PLEKHG2: variants seen among roughly 807,000 people sequenced by gnomAD.
PLEKHG2 encodes pleckstrin homology domain-containing family G member 2.
PLEKHG2 carries 71 observed loss-of-function variants against 104.4 expected under a neutral mutation model. That is an observed-to-expected ratio of 0.68 (90% CI 0.56 to 0.83). The LOEUF (loss-of-function observed/expected upper bound fraction) is 0.83. Among genes scored for constraint, PLEKHG2 ranks in the 40% least tolerant of loss-of-function variants. The probability of loss-of-function intolerance (pLI) is 0.00; values close to 1 mark genes in which losing one functional copy is unlikely to be tolerated. For synonymous variants in PLEKHG2, 728 were observed against 737.0 expected (o/e 0.99, Z 0.20); for missense variants, 1,730 against 1,809.4 (o/e 0.96, Z 0.80).
At chr19:39,422,381 ATTT>A in intron 17 of PLEKHG2, 93 bp downstream of exon 17, 1 of 1,220,650 alleles carries the variant, frequency 8.2e-7, no homozygotes, top group Non-Finnish European at 1.1e-6. Flanking sequence ...TGATACCTTT[ATTT>A]TTTTTTTATT....
At chr19:39,421,704 T>A (rs62119738) in intron 16 of PLEKHG2, 30,376 of 205,132 alleles carry the variant, frequency 0.15, 2,758 homozygotes, top group Middle Eastern at 0.25. Context: ...TAAATAAAAA[T>A]TTTAAGAGAA....
Position 39,413,229 on chromosome 19 carries a change from C to G in PLEKHG2, c.-206C>G, listed in dbSNP as rs1467568616. ...GAGTCGAGGCTCCTAGCATCCCCTA[C>G]GTAGAACACTGAGAAATTCCGACTG... is the stretch of plus-strand genomic sequence containing the variant. On this transcript the variant is annotated 5_prime_UTR_variant, in exon 1 of 19. Transcript: ENST00000425673. The surrounding 1 kb of genome is among the most constrained non-coding windows in gnomAD (Gnocchi z 4.5). 1 of 152,272 alleles carries G rather than the reference C, an allele frequency of 6.6e-6. No individual in the cohort carries two copies. Among genetic ancestry groups the G allele is most frequent in the Non-Finnish European group, 1.5e-5 (1 of 68,102 alleles). 9.4% of individuals were successfully genotyped at this position (152,272 alleles called of 1,614,324 possible).
Position 39,414,016 on chromosome 19 carries a change from C to A in PLEKHG2, c.-22-49C>A, listed in dbSNP as rs1166314887. ...AGCCCCCATCTGTGAGTCTGGGCGG[C>A]GGAGAGGCCCATGGGGTCCTGATAT... On this transcript the variant is annotated intron_variant, in intron 1 of 18. Transcript: ENST00000425673. 4 of 1,335,538 alleles carry A rather than the reference C, an allele frequency of 3.0e-6. No homozygotes were observed. In the African/African-American group the frequency reaches 5.8e-5, roughly 20 times the overall value. 82.7% of individuals were successfully genotyped at this position (1,335,538 alleles called of 1,614,324 possible). A position where few individuals can be genotyped will look rare whatever the true frequency, so the allele number is the denominator to read the frequency against.
intron 16 of PLEKHG2, 194 bp from the exon 17 acceptor site, chr19:39,421,921 G>GATT: frequency 2.2e-6 from 1 of 452,092 alleles, no homozygotes; most frequent in South Asian, 4.7e-5. Flanking sequence ...GGAGGCTGAG[G>GATT]CAGCAGAATC....
At position 39,423,345 on chromosome 19, in the gene PLEKHG2, G is replaced by T; in HGVS notation, c.2291G>T (p.Cys764Phe). The T allele has an allele frequency of 1.2e-6, 2 of 1,613,960 alleles. No homozygotes were observed. The highest frequency in any genetic ancestry group is 1.7e-6 in the Non-Finnish European group (2 of 1,179,844). Reference protein sequence around the residue: ...GFPDELAFRSCSEIRSAWQAL... With the variant: ...GFPDELAFRSFSEIRSAWQAL... Reference sequence around the variant, plus strand: ...CCAGATGAGCTGGCATTCCGCTCTTGCTCAGAAATCCGGAGCGCCTGGCAG... The same window carrying T: ...CCAGATGAGCTGGCATTCCGCTCTTTCTCAGAAATCCGGAGCGCCTGGCAG... The change falls in exon 18 of 19, where the codon TGC becomes TTC. Residue 764 changes from cysteine (C) to phenylalanine (F), a missense_variant. Cys to Phe is a radical substitution (Grantham distance 205). Coordinates refer to ENST00000425673, the MANE Select transcript of PLEKHG2 (RefSeq NM_022835.3).
chr19:39,414,901 T>G, intron 2 of PLEKHG2, 91 bp from the exon 3 acceptor site: 1 of 1,398,962 alleles, frequency 7.1e-7, no homozygotes, highest in Non-Finnish European at 9.6e-7. Context: ...GTTGGACAGG[T>G]GTGGGTGAGG....
At position 39,424,065 on chromosome 19, in the gene PLEKHG2, C is replaced by T. The variant is rs763870846; in HGVS notation, c.2932C>T (p.Pro978Ser). ...TACAACTTTCTCTGATCAAGGCCAC[C>T]CAGAAATCCAAGTTCCAGCCACCAC... The part of the protein sequence containing the change: ...ALTTFSDQGH[P>S]EIQVPATTPL... The change falls in exon 19 of 19, where the codon CCA becomes TCA. Residue 978 changes from proline (P) to serine (S), a missense_variant. Pro to Ser is a moderately conservative substitution (Grantham distance 74). Coordinates refer to ENST00000425673, the MANE Select transcript of PLEKHG2 (RefSeq NM_022835.3). 2 of 1,613,998 alleles carry T rather than the reference C, an allele frequency of 1.2e-6. No homozygotes were observed. Among genetic ancestry groups the T allele is most frequent in the Non-Finnish European group, 1.7e-6 (2 of 1,179,986 alleles).
In PLEKHG2 at chr19:39,416,624, C is replaced by T; in HGVS notation, c.593+27C>T. On this transcript the variant is annotated intron_variant, in intron 6 of 18. Coordinates refer to ENST00000425673, the MANE Select transcript of PLEKHG2 (RefSeq NM_022835.3). This position sits in a 1 kb window ranked among gnomAD's most constrained non-coding sequence, Gnocchi z 4.5. ...TGAGGGGCAGGAGCCCCTGCTGGGC[C>T]TCAGGCTGTGCCCACAAGCTGATGT... 1.2e-6 allele frequency: 2 copies of T among 1,613,014 alleles called. No homozygotes were observed. The highest frequency in any genetic ancestry group is 2.7e-5 in the African/African-American group (2 of 74,992).
intron 9 of PLEKHG2, among the ~76,000 whole-genome samples, chr19:39,418,421 A>G (rs1457286433): frequency 6.6e-6 from 1 of 152,124 alleles, no homozygotes; most frequent in African/African-American, 2.4e-5. Flanking sequence ...TCTACTAAAA[A>G]TACAAAAATT....
chr19:39,417,616 C>T lies in PLEKHG2; in HGVS notation c.806C>T (p.Ala269Val). ...GTGGREMVEE[A>V]IVSMTAVAWY... Reference sequence around the variant, plus strand: ...GGGGGTCGCGAGATGGTGGAGGAAGCTATTGTGTCCATGACAGCGGTTGCC... The same window carrying T: ...GGGGGTCGCGAGATGGTGGAGGAAGTTATTGTGTCCATGACAGCGGTTGCC... The change falls in exon 8 of 19, where the codon GCT becomes GTT. Residue 269 changes from alanine to valine, a missense_variant. By Grantham distance (64) the Ala-to-Val change is moderately conservative. Transcript: ENST00000425673. 1 of 1,614,136 alleles carries T rather than the reference C, an allele frequency of 6.2e-7. No individual in the cohort carries two copies. The highest frequency in any genetic ancestry group is 8.5e-7 in the Non-Finnish European group (1 of 1,180,030).
At position 39,424,217 on chromosome 19, in the gene PLEKHG2, T is replaced by A. The variant is rs2078747689; in HGVS notation, c.3084T>A (p.Ser1028=). ...TTPALPKEIC[S]DFTVSVTTPV... is the part of the protein sequence containing the mutation. Reference sequence around the variant, plus strand: ...CAGCTTTGCCCAAGGAGATTTGTTCTGATTTCACAGTTTCAGTCACCACCC... The same window carrying A: ...CAGCTTTGCCCAAGGAGATTTGTTCAGATTTCACAGTTTCAGTCACCACCC... Residue 1028 remains serine (S), a synonymous_variant, in exon 19 of 19, where the codon TCT becomes TCA. Coordinates refer to ENST00000425673, the MANE Select transcript of PLEKHG2 (RefSeq NM_022835.3). 6.2e-7 allele frequency: 1 copy of A among 1,614,058 alleles called. No individual in the cohort carries two copies. The highest frequency in any genetic ancestry group is 1.3e-5 in the African/African-American group (1 of 74,988).
rs765060212 is a variant in PLEKHG2, at chr19:39,416,857, G to A, written c.601G>A (p.Ala201Thr). 1 of 1,605,340 alleles carries A rather than the reference G, an allele frequency of 6.2e-7. No homozygotes were observed. Among genetic ancestry groups the A allele is most frequent in the Non-Finnish European group, 8.5e-7 (1 of 1,176,304 alleles). Residue 201 changes from alanine (A) to threonine (T), a missense_variant, in exon 7 of 19, where the codon GCC (alanine) becomes ACC (threonine). Ala to Thr is a moderately conservative substitution (Grantham distance 58, BLOSUM62 0). Coordinates refer to ENST00000425673, the MANE Select transcript of PLEKHG2 (RefSeq NM_022835.3). This position sits in a 1 kb window ranked among gnomAD's most constrained non-coding sequence, Gnocchi z 4.5. ...LYCMNYPSSL[A>T]LLRELSLSPP... ...CCTGTGCTGTGCCCCCAGCTCCCTG[G>A]CCCTGCTCCGGGAGCTGTCGTTGTC...
Position 39,424,758 on chromosome 19 carries a change from C to T in PLEKHG2, c.3625C>T (p.Pro1209Ser), listed in dbSNP as rs1264076542. ...GAAGAGCCTCATAGATGCCCATGTT[C>T]CAGCTGCCACACCTTTACCTGAGAG... is the stretch of plus-strand genomic sequence containing the variant. ...EQKSLIDAHV[P>S]AATPLPERGG... Residue 1209 changes from proline (P) to serine (S), a missense_variant, in exon 19 of 19, where the codon CCA (proline) becomes TCA (serine). Physicochemically the swap from Pro to Ser is moderately conservative, Grantham distance 74. Transcript: ENST00000425673. The T allele has an allele frequency of 1.9e-6, 3 of 1,614,088 alleles. No homozygotes were observed. The Admixed American group carries it at 5.0e-5, about 27-fold the overall frequency.
At position 39,415,814 on chromosome 19, in the gene PLEKHG2, C is replaced by T. The variant is rs1036561234; in HGVS notation, c.479+375C>T. Among the ~76,000 whole-genome samples, 4 of 152,132 alleles carry T rather than the reference C, an allele frequency of 2.6e-5. No individual in the cohort carries two copies. The highest frequency in any genetic ancestry group is 7.2e-5 in the African/African-American group (3 of 41,408). ...TGGGGCTGTGTCAGGTCTGGGCTCA[C>T]GATGAATCCAAGAATCATATGGGGC... On this transcript the variant is annotated intron_variant, in intron 4 of 18. Transcript: ENST00000425673. This position sits in a 1 kb window ranked among gnomAD's most constrained non-coding sequence, Gnocchi z 4.6.
At position 39,425,249 on chromosome 19, in the gene PLEKHG2, C is replaced by T; in HGVS notation, c.4116C>T (p.Gly1372=). The T allele has an allele frequency of 6.2e-7, 1 of 1,613,492 alleles. No individual in the cohort carries two copies. Among genetic ancestry groups the T allele is most frequent in the Non-Finnish European group, 8.5e-7 (1 of 1,179,984 alleles). Reference sequence around the variant, plus strand: ...TGGCCTCCACACAGGAATCTATGGGCCTTCACAGGGCCCAGGGGGCTCCTG... The same window carrying T: ...TGGCCTCCACACAGGAATCTATGGGTCTTCACAGGGCCCAGGGGGCTCCTG... ...ALLASTQESM[G]LHRAQGAPDA... Residue 1372 remains glycine, a synonymous_variant, in exon 19 of 19, where the codon GGC becomes GGT. Coordinates refer to ENST00000425673, the MANE Select transcript of PLEKHG2 (RefSeq NM_022835.3).
At position 39,425,203 on chromosome 19, in the gene PLEKHG2, G is replaced by C; in HGVS notation, c.4070G>C (p.Arg1357Pro). The change falls in exon 19 of 19, where the codon CGG becomes CCG. Residue 1357 changes from arginine (R) to proline (P), a missense_variant. By Grantham distance (103) the Arg-to-Pro change is moderately radical (BLOSUM62 -2). Transcript: ENST00000425673. ...CTGCGGCCAGCCAAGGCCCAGGTCC[G>C]GTTGAACCACCCTGCTCTCTTGGCC... ...GRLRPAKAQVRLNHPALLAST... is the reference protein window; with the variant it reads ...GRLRPAKAQVPLNHPALLAST... 1.2e-6 allele frequency: 2 copies of C among 1,612,590 alleles called. No individual in the cohort carries two copies. The highest frequency in any genetic ancestry group is 1.7e-6 in the Non-Finnish European group (2 of 1,179,770).
chr19:39,416,446 G>C lies in PLEKHG2; in HGVS notation c.546+32G>C. 1 of 1,613,022 alleles carries C rather than the reference G, an allele frequency of 6.2e-7. No homozygotes were observed. The highest frequency in any genetic ancestry group is 1.7e-5 in the Admixed American group (1 of 59,976). ...GGAGGGGTGGGGGGCTCTCGGTCCT[G>C]GATGGGGCCTTTGTAGAGGGGGGAG... is the stretch of plus-strand genomic sequence containing the variant. On this transcript the variant is annotated intron_variant, in intron 5 of 18. Transcript: ENST00000425673. This position sits in a 1 kb window ranked among gnomAD's most constrained non-coding sequence, Gnocchi z 4.5.
In PLEKHG2 at chr19:39,422,190, C is replaced by T. The variant is rs1420705164; in HGVS notation, c.1579C>T (p.Leu527=). The T allele has an allele frequency of 1.2e-6, 2 of 1,613,804 alleles. No homozygotes were observed. The highest frequency in any genetic ancestry group is 2.2e-5 in the East Asian group (1 of 44,880). ...TTCAGGCTCTGCACCCCCTGAGGAC[C>T]TGGAGGATGCTGGACCCCCAACACT... ...PVSGSAPPED[L]EDAGPPTLDP... Residue 527 remains leucine, a synonymous_variant, in exon 17 of 19, where the codon CTG becomes TTG. Coordinates refer to ENST00000425673, the MANE Select transcript of PLEKHG2 (RefSeq NM_022835.3).
At position 39,422,100 on chromosome 19, in the gene PLEKHG2, T is replaced by C; in HGVS notation, c.1504-15T>C. On this transcript the variant is annotated splice_polypyrimidine_tract_variant and intron_variant, in intron 16 of 18. Transcript: ENST00000425673. ...AGTCTTGGCTCTTGCCTTCCATTGC[T>C]TTCCCTCCTCACAGCACGCTGGCAG... 1 of 1,599,264 alleles carries C rather than the reference T, an allele frequency of 6.3e-7. No individual in the cohort carries two copies. Among genetic ancestry groups the C allele is most frequent in the East Asian group, 2.3e-5 (1 of 44,286 alleles).
Sources: allele counts gnomAD v4.1 joint callset (sites outside exome capture counted in the v4.1 genomes callset), GRCh38; gene constraint gnomAD v4.1.1; non-coding constraint Gnocchi (gnomAD v3.1); transcripts MANE v1.5; gene names NCBI Gene and HGNC (gene_info 2026-07-23, HGNC 2026-07-21).